The following SLC25A21 variants were observed in gnomAD, a reference collection of about 807,000 sequenced individuals.
SLC25A21 encodes mitochondrial 2-oxodicarboxylate carrier.
SLC25A21 carries 47 observed loss-of-function variants against 43.8 expected under a neutral mutation model. That is an observed-to-expected ratio of 1.07 (90% CI 0.85 to 1.37). The LOEUF (loss-of-function observed/expected upper bound fraction) is 1.37. SLC25A21 is among the 40% of genes most tolerant of loss of function. The pLI, the probability that SLC25A21 is intolerant of heterozygous loss-of-function variation, is 0.00. For synonymous variants in SLC25A21, 131 were observed against 121.3 expected (o/e 1.08, Z -0.52); for missense variants, 352 against 350.2 (o/e 1.00, Z -0.04).
chr14:36,733,121 GA>G (rs1346273256), intron 4 of SLC25A21, among the ~76,000 whole-genome samples: 3 of 152,060 alleles, frequency 2.0e-5, no homozygotes, highest in Admixed American at 6.5e-5. Context: ...ATAATATTAA[GA>G]AAAAAATATT....
intron 2 of SLC25A21, among the ~76,000 whole-genome samples, chr14:36,850,773 A>G (rs8006510): frequency 0.073 from 11,170 of 152,214 alleles, 580 homozygotes; most frequent in East Asian, 0.21. Flanking sequence ...AACACTATCC[A>G]GCCAAGAAGA....
intron 1 of SLC25A21, among the ~76,000 whole-genome samples, chr14:37,015,786 T>C (rs1165170782): frequency 2.0e-5 from 3 of 152,200 alleles, no homozygotes; most frequent in South Asian, 2.1e-4. Flanking sequence ...ATTTCTCTGA[T>C]GGCCAGTGAC....
chr14:36,886,741 TA>T (rs1351366293), intron 1 of SLC25A21, among the ~76,000 whole-genome samples: 1 of 152,190 alleles, frequency 6.6e-6, no homozygotes, highest in Non-Finnish European at 1.5e-5. Context: ...ATCTCACCTG[TA>T]AACAAAGTTT....
chr14:36,943,266 C>T (rs1892608294), intron 1 of SLC25A21, among the ~76,000 whole-genome samples: 1 of 152,188 alleles, frequency 6.6e-6, no homozygotes, highest in South Asian at 2.1e-4. Context: ...TCTCAACTCA[C>T]TGCAGCTCTC....
chr14:36,793,577 T>TA (rs1555328587), intron 3 of SLC25A21, among the ~76,000 whole-genome samples: 3 of 148,864 alleles, frequency 2.0e-5, no homozygotes, highest in Non-Finnish European at 4.4e-5. Flanking sequence ...GATGGTCTCA[T>TA]ACATGTCATG....
rs1419300427 is a variant in SLC25A21 at position 36,678,390 on chromosome 14, CAGG to C, written c.*2265_*2267del. The C allele has an allele frequency of 1.8e-6, 2 of 1,088,132 alleles. No individual in the cohort carries two copies. Among genetic ancestry groups the C allele is most frequent in the African/African-American group, 3.1e-5 (2 of 63,752 alleles). The allele number at this position is 1,088,132 out of a possible 1,614,324, so 67.4% of individuals were successfully genotyped here. ...TGCTACAAATAGAGGATTATAACTT[CAGG>C]AGAAGAATAAGCAGAAGGAGCAGAT... is the stretch of plus-strand genomic sequence containing the variant. On this transcript the variant is annotated 3_prime_UTR_variant, in exon 10 of 10. Transcript: ENST00000331299.
chr14:36,734,393 C>T, intron 4 of SLC25A21, 114 bp downstream of exon 4: 3 of 626,762 alleles, frequency 4.8e-6, no homozygotes, highest in Non-Finnish European at 7.8e-6. Context: ...ATAATTTCTG[C>T]ATTAAAATTT....
rs529137885 is a variant in SLC25A21, at chr14:36,737,291, G to A, written c.204-2718C>T. ...TGATGGGGTAAAATATTAAAAAGAGGTGTGATGCAGGAGAGAAGAAGAGGC... is the reference window on the plus strand; with the variant it reads ...TGATGGGGTAAAATATTAAAAAGAGATGTGATGCAGGAGAGAAGAAGAGGC... On this transcript the variant is annotated intron_variant, in intron 3 of 9. Transcript: ENST00000331299. Among the ~76,000 whole-genome samples the A allele has an allele frequency of 1.2e-4, 19 of 152,304 alleles. No homozygotes were observed. The East Asian group carries it at 2.7e-3, about 22-fold the overall frequency.
intron 1 of SLC25A21, among the ~76,000 whole-genome samples, chr14:37,043,671 C>T (rs1435442842): frequency 6.6e-6 from 1 of 152,134 alleles, no homozygotes; most frequent in Non-Finnish European, 1.5e-5. Flanking sequence ...TTCTCTGTAC[C>T]TACAAAGACT....
At chr14:36,706,391 C>T (rs1178750515) in intron 7 of SLC25A21, among the ~76,000 whole-genome samples, 1 of 152,150 alleles carries the variant, frequency 6.6e-6, no homozygotes, top group Non-Finnish European at 1.5e-5. Context: ...AAGTGATGGG[C>T]TCAAGGTCAT....
At chr14:36,923,707 C>A (rs953428424) in intron 1 of SLC25A21, among the ~76,000 whole-genome samples, 1 of 152,074 alleles carries the variant, frequency 6.6e-6, no homozygotes, top group Admixed American at 6.6e-5. Flanking sequence ...CATGGGTTCG[C>A]ATCCTCAGAT....
At chr14:36,881,488 G>T (rs1357477235) in intron 1 of SLC25A21, among the ~76,000 whole-genome samples, 1 of 152,092 alleles carries the variant, frequency 6.6e-6, no homozygotes, top group African/African-American at 2.4e-5. Flanking sequence ...CACATCAAAA[G>T]TATCACTTCC....
chr14:36,796,707 C>T (rs1566622477), intron 3 of SLC25A21, among the ~76,000 whole-genome samples: 2 of 152,110 alleles, frequency 1.3e-5, no homozygotes, highest in East Asian at 3.9e-4. Context: ...GGTCTATTCA[C>T]ATGTATGACA....
At chr14:36,886,691 T>C (rs540496606) in intron 1 of SLC25A21, among the ~76,000 whole-genome samples, 130 of 152,284 alleles carry the variant, frequency 8.5e-4, no homozygotes, top group Non-Finnish European at 1.6e-3. Flanking sequence ...ACTCACACTT[T>C]GAATGCAAAG....
rs1328087696 is a variant in SLC25A21 at position 36,776,230 on chromosome 14, C to CTTTTTTTTTTTTTTTTTTTTTTTTTT, written c.203+37687_203+37688insAAAAAAAAAAAAAAAAAAAAAAAAAA. On this transcript the variant is annotated intron_variant, in intron 3 of 9. Transcript: ENST00000331299. ...ACTGCTTTCTTTTTTCTTTTTCTTT[C>CTTTTTTTTTTTTTTTTTTTTTTTTTT]TTTCTTTCTTTTTTTTTTTTTTTTG... Among the ~76,000 whole-genome samples, 26 of 70,838 alleles carry CTTTTTTTTTTTTTTTTTTTTTTTTTT rather than the reference C, an allele frequency of 3.7e-4. 5 individuals are homozygous for CTTTTTTTTTTTTTTTTTTTTTTTTTT. The highest frequency in any genetic ancestry group is 8.8e-4 in the South Asian group (2 of 2,278). 46.5% of individuals were successfully genotyped at this position (70,838 alleles called of 152,430 possible). A position where few individuals can be genotyped will look rare whatever the true frequency, so the allele number is the denominator to read the frequency against.
chr14:36,887,259 T>C (rs1285887178), intron 1 of SLC25A21, among the ~76,000 whole-genome samples: 1 of 151,712 alleles, frequency 6.6e-6, no homozygotes, highest in African/African-American at 2.4e-5. Context: ...GTATTGTATT[T>C]TGCTTATCTA....
At chr14:36,694,198 T>C (rs1374118315) in intron 7 of SLC25A21, among the ~76,000 whole-genome samples, 1 of 152,186 alleles carries the variant, frequency 6.6e-6, no homozygotes, top group Non-Finnish European at 1.5e-5. Flanking sequence ...TTGGTCAGAA[T>C]GACGGTTTCC....
At chr14:37,157,727 GA>G (rs1356562249) in intron 1 of SLC25A21, among the ~76,000 whole-genome samples, 1 of 151,838 alleles carries the variant, frequency 6.6e-6, no homozygotes, top group Non-Finnish European at 1.5e-5. Flanking sequence ...CAGAAGAAAA[GA>G]AATAATAAAA....
At chr14:37,066,272 A>G (rs1962058663) in intron 1 of SLC25A21, among the ~76,000 whole-genome samples, 1 of 152,164 alleles carries the variant, frequency 6.6e-6, no homozygotes, top group Non-Finnish European at 1.5e-5. Flanking sequence ...TCTAAAAGGT[A>G]AGAGTGGGGA....
Sources: gnomAD v4.1 joint callset for allele counts (sites outside exome capture counted in the v4.1 genomes callset) on GRCh38, gnomAD v4.1.1 for gene constraint, MANE v1.5 for transcripts, NCBI Gene and HGNC (gene_info 2026-07-23, HGNC 2026-07-21) for gene names.